The following RNF182 variants were observed in gnomAD, a reference collection of about 807,000 sequenced individuals.
RNF182 encodes the protein E3 ubiquitin-protein ligase RNF182.
RNF182 carries 15 observed loss-of-function variants against 14.4 expected under a neutral mutation model. The observed-to-expected ratio is 1.04, with a 90% CI of 0.70 to 1.60. RNF182 has a LOEUF of 1.60. Ranked by LOEUF, RNF182 falls within the 40% of genes most tolerant of loss-of-function variation. The pLI is 0.00. For synonymous variants in RNF182, 128 were observed against 122.9 expected, an observed-to-expected ratio of 1.04 and a Z score of -0.27; for missense variants, 268 against 294.8, an observed-to-expected ratio of 0.91 and a Z score of 0.67.
chr6:13,929,102 T>C (rs900152687), intron 1 of RNF182, among the ~76,000 whole-genome samples: 1 of 152,214 alleles, frequency 6.6e-6, no homozygotes, highest in Non-Finnish European at 1.5e-5. Flanking sequence ...CGTGACTCTC[T>C]TGAATTGTGG....
intron 1 of RNF182, chr6:13,961,620 G>C (rs1759885838): frequency 6.6e-6 from 1 of 152,164 alleles, no homozygotes; most frequent in Non-Finnish European, 1.5e-5. Context: ...GTTTAAAACT[G>C]CTGGCAAACA....
At position 13,978,208 on chromosome 6, in the gene RNF182, T is replaced by G. The variant is rs546143755; in HGVS notation, c.*345T>G. The stretch of plus-strand genomic sequence containing the variant: ...GCATGGATCCCTCCTTTCGTATTCA[T>G]GGATGTTCTATGATGGCAGTTGGAC... On this transcript the variant is annotated 3_prime_UTR_variant, in exon 3 of 3. Transcript: ENST00000488300. 5.4e-5 allele frequency: 11 copies of G among 202,118 alleles called. No individual in the cohort carries two copies. Among genetic ancestry groups the G allele is most frequent in the Non-Finnish European group, 1.0e-4 (9 of 89,218 alleles). 12.5% of individuals were successfully genotyped at this position (202,118 alleles called of 1,614,324 possible). A position where few individuals can be genotyped will look rare whatever the true frequency, so the allele number is the denominator to read the frequency against.
chr6:13,975,178 T>C (rs951520163), intron 2 of RNF182, among the ~76,000 whole-genome samples: 1 of 152,184 alleles, frequency 6.6e-6, no homozygotes, highest in Non-Finnish European at 1.5e-5. Context: ...GTGACCAGGA[T>C]AGAACTCCTT....
At chr6:13,939,720 T>G (rs1287134942) in intron 1 of RNF182, among the ~76,000 whole-genome samples, 1 of 152,006 alleles carries the variant, frequency 6.6e-6, no homozygotes, top group Non-Finnish European at 1.5e-5. Flanking sequence ...ATTTTTTGTA[T>G]TTTTAGTAGA....
chr6:13,977,752 T>C lies in RNF182; in HGVS notation c.633T>C (p.Leu211=), dbSNP rs778130296. The change falls in exon 3 of 3, where the codon CTT becomes CTC. Residue 211 remains leucine (L), a synonymous_variant. Coordinates refer to ENST00000488300, the MANE Select transcript of RNF182 (RefSeq NM_152737.4). ...TACTGGTGTCTAAGAAAGTCACCCT[T>C]GGGGTCGTCTTTGTCAGCCTGGTCC... ...IYLLVSKKVT[L]GVVFVSLVPS... 1 of 1,614,108 alleles carries C rather than the reference T, an allele frequency of 6.2e-7. No individual in the cohort carries two copies. The highest frequency in any genetic ancestry group is 1.1e-5 in the South Asian group (1 of 91,074).
chr6:13,967,253 T>C (rs1222618995), intron 1 of RNF182, among the ~76,000 whole-genome samples: 1 of 152,022 alleles, frequency 6.6e-6, no homozygotes, highest in Non-Finnish European at 1.5e-5. Flanking sequence ...TTAGATAAGG[T>C]ATAAAGGTTG....
chr6:13,953,815 C>G (rs557177885), intron 1 of RNF182, among the ~76,000 whole-genome samples: 116 of 152,222 alleles, frequency 7.6e-4, no homozygotes, highest in African/African-American at 2.3e-3. Context: ...TATGGGCTCC[C>G]CCTCTAGACT....
chr6:13,965,003 T>C (rs750000657), intron 1 of RNF182, among the ~76,000 whole-genome samples: 7 of 152,102 alleles, frequency 4.6e-5, no homozygotes, highest in Non-Finnish European at 7.4e-5. Flanking sequence ...CCCAGTGATA[T>C]AACAAAGAAA....
chr6:13,966,677 T>C (rs892453073), intron 1 of RNF182, among the ~76,000 whole-genome samples: 6 of 151,848 alleles, frequency 4.0e-5, no homozygotes, highest in Non-Finnish European at 8.8e-5. Context: ...GCGGGAAGAT[T>C]GCTTGACCCC....
chr6:13,936,429 C>T (rs1759111119), intron 1 of RNF182, among the ~76,000 whole-genome samples: 1 of 152,184 alleles, frequency 6.6e-6, no homozygotes, highest in Admixed American at 6.5e-5. Flanking sequence ...TTCAATTATT[C>T]TTTGGTCTGC....
intron 1 of RNF182, among the ~76,000 whole-genome samples, chr6:13,962,301 G>T (rs1325727176): frequency 6.6e-6 from 1 of 152,182 alleles, no homozygotes; most frequent in Non-Finnish European, 1.5e-5. Flanking sequence ...GGAACATCGG[G>T]TTTTGTGAAT....
Position 13,976,945 on chromosome 6 carries a change from C to T in RNF182, c.-175C>T. On this transcript the variant is annotated 5_prime_UTR_variant, in exon 3 of 3. The change creates a premature stop within an existing upstream ORF in the 5' untranslated region. Transcript: ENST00000488300. Reference sequence around the variant, plus strand: ...GGCCTTTATAAATATGCGTTTGAGACAGAGTTATATGCAGAAGTTGAAAAT... The same window carrying T: ...GGCCTTTATAAATATGCGTTTGAGATAGAGTTATATGCAGAAGTTGAAAAT... 2 of 676,742 alleles carry T rather than the reference C, an allele frequency of 3.0e-6. No homozygotes were observed. The highest frequency in any genetic ancestry group is 4.8e-5 in the Admixed American group (2 of 41,458). 41.9% of individuals were successfully genotyped at this position (676,742 alleles called of 1,614,324 possible). A position where few individuals can be genotyped will look rare whatever the true frequency, so the allele number is the denominator to read the frequency against.
intron 1 of RNF182, among the ~76,000 whole-genome samples, chr6:13,969,785 T>C (rs1760129149): frequency 1.3e-5 from 2 of 152,232 alleles, no homozygotes; most frequent in Admixed American, 1.3e-4. Flanking sequence ...TATAGTCTTA[T>C]CCCCAGATGA....
chr6:13,933,292 G>A (rs1368793553), intron 1 of RNF182, among the ~76,000 whole-genome samples: 1 of 152,194 alleles, frequency 6.6e-6, no homozygotes, highest in African/African-American at 2.4e-5. Flanking sequence ...GAAGCAGGAA[G>A]ATCACTTGAG....
intron 1 of RNF182, among the ~76,000 whole-genome samples, chr6:13,970,721 G>T (rs1480253572): frequency 6.6e-6 from 1 of 152,078 alleles, no homozygotes; most frequent in East Asian, 1.9e-4. Flanking sequence ...TTGATTTATA[G>T]TAATGCATGA....
At chr6:13,929,371 T>G (rs1254843645) in intron 1 of RNF182, among the ~76,000 whole-genome samples, 2 of 152,236 alleles carry the variant, frequency 1.3e-5, no homozygotes, top group Non-Finnish European at 2.9e-5. Flanking sequence ...TTACATAATT[T>G]GATCACCATG....
chr6:13,965,996 G>A (rs545410512), intron 1 of RNF182, among the ~76,000 whole-genome samples: 88 of 152,182 alleles, frequency 5.8e-4, no homozygotes, highest in African/African-American at 2.0e-3. Context: ...TTTTTTGAGT[G>A]GACTGGAAGT....
intron 1 of RNF182, among the ~76,000 whole-genome samples, chr6:13,967,349 G>A (rs1760060144): frequency 6.6e-6 from 1 of 152,156 alleles, no homozygotes; most frequent in Non-Finnish European, 1.5e-5. Context: ...AAATAAAGTT[G>A]TATATGTAAG....
rs1042863634 is a variant in RNF182, at chr6:13,946,947, G to A, written c.-367+21924G>A. Among the ~76,000 whole-genome samples the A allele has an allele frequency of 3.3e-5, 5 of 152,172 alleles. No homozygotes were observed. The East Asian group carries it at 9.6e-4, about 29-fold the overall frequency. ...TCCTGATGAAAGATGATACCTGGAA[G>A]ATTAGTAAGTATTTAAGAAAACATT... On this transcript the variant is annotated intron_variant, in intron 1 of 2. Coordinates refer to ENST00000488300, the MANE Select transcript of RNF182 (RefSeq NM_152737.4).
Sources: gnomAD v4.1 joint callset for allele counts (sites outside exome capture counted in the v4.1 genomes callset) on GRCh38, gnomAD v4.1.1 for gene constraint, MANE v1.5 for transcripts, NCBI Gene and HGNC (gene_info 2026-07-23, HGNC 2026-07-21) for gene names.